The following TOMM20 variants were observed in gnomAD, a reference collection of about 807,000 sequenced individuals.
TOMM20 encodes translocase of outer mitochondrial membrane 20.
TOMM20 carries 10 observed loss-of-function variants against 22.1 expected under a neutral mutation model. That is an observed-to-expected ratio of 0.45 (90% CI 0.28 to 0.77). The LOEUF (loss-of-function observed/expected upper bound fraction) is 0.77. Ranked by LOEUF, TOMM20 falls within the 30% of genes least tolerant of loss-of-function variation. TOMM20 has a pLI of 0.13. For synonymous variants in TOMM20, 55 were observed against 61.4 expected (o/e 0.90, Z 0.49); for missense variants, 121 against 172.2 (o/e 0.70, Z 1.66).
Position 235,128,583 on chromosome 1 carries a change from G to C in TOMM20, c.121+12C>G. The C allele has an allele frequency of 1.2e-6, 2 of 1,612,032 alleles. No individual in the cohort carries two copies. The highest frequency in any genetic ancestry group is 1.7e-6 in the Non-Finnish European group (2 of 1,179,850). On this transcript the variant is annotated intron_variant, in intron 1 of 4. Coordinates refer to ENST00000366607, the MANE Select transcript of TOMM20 (RefSeq NM_014765.3). The stretch of plus-strand genomic sequence containing the variant: ...GCAGCAAGCCTGGCCAGGGGAGAGA[G>C]GACCCACTCACGTTCTCGAAGCCTG...
intron 2 of TOMM20, among the ~76,000 whole-genome samples, chr1:235,120,269 T>G (rs1660907707): frequency 6.6e-6 from 1 of 152,170 alleles, no homozygotes; most frequent in Non-Finnish European, 1.5e-5. Context: ...CAGATTTTGT[T>G]GTTTTTGTTT....
intron 1 of TOMM20, among the ~76,000 whole-genome samples, chr1:235,125,496 T>C (rs1386530614): frequency 6.6e-6 from 1 of 152,064 alleles, no homozygotes; most frequent in Non-Finnish European, 1.5e-5. Context: ...TTTACAGGCC[T>C]GAGCCACCAC....
At position 235,128,664 on chromosome 1, in the gene TOMM20, T is replaced by C. The variant is rs1179555338; in HGVS notation, c.52A>G (p.Ile18Val). 2 of 1,614,030 alleles carry C rather than the reference T, an allele frequency of 1.2e-6. No homozygotes were observed. Among genetic ancestry groups the C allele is most frequent in the Non-Finnish European group, 1.7e-6 (2 of 1,179,958 alleles). Residue 18 changes from isoleucine to valine, a missense_variant, in exon 1 of 5, where the codon ATT becomes GTT. Transcript: ENST00000366607. ...CGGTCGAAGTAGATGCAGTACCCAA[T>C]GAAAAGGGCCCCGCATACACCGGCG... ...IAAGVCGALF[I>V]GYCIYFDRKR...
chr1:235,116,789 T>C (rs188101209), intron 3 of TOMM20, among the ~76,000 whole-genome samples: 305 of 152,234 alleles, frequency 2.0e-3, no homozygotes, highest in African/African-American at 6.7e-3. Flanking sequence ...TAGATTCTTT[T>C]TATTTACCAA....
chr1:235,112,653 T>C (rs969294616), intron 4 of TOMM20, among the ~76,000 whole-genome samples: 3 of 152,188 alleles, frequency 2.0e-5, no homozygotes, highest in South Asian at 2.1e-4. Flanking sequence ...CAGTCAATTA[T>C]GTAACTAAAA....
chr1:235,127,959 T>A, intron 1 of TOMM20: 1 of 515,198 alleles, frequency 1.9e-6, no homozygotes, highest in Non-Finnish European at 3.9e-6. Context: ...GCGGATCATC[T>A]GAGGTCAGGA....
intron 1 of TOMM20, among the ~76,000 whole-genome samples, chr1:235,123,190 A>T (rs979126623): frequency 7.9e-5 from 12 of 152,204 alleles, no homozygotes; most frequent in African/African-American, 2.9e-4. Context: ...TCAATGCATG[A>T]CTAAAGAGGT....
intron 1 of TOMM20, among the ~76,000 whole-genome samples, chr1:235,127,628 C>T (rs992671865): frequency 1.3e-5 from 2 of 152,146 alleles, no homozygotes; most frequent in Admixed American, 6.6e-5. Flanking sequence ...TAGTAACTTA[C>T]GTATCAATTT....
At position 235,110,154 on chromosome 1, in the gene TOMM20, T is replaced by C. The variant is rs1356667726; in HGVS notation, c.*1910A>G. 1 of 152,132 alleles carries C rather than the reference T, an allele frequency of 6.6e-6. No homozygotes were observed. The highest frequency in any genetic ancestry group is 2.4e-5 in the African/African-American group (1 of 41,422). The allele number at this position is 152,132 out of a possible 1,614,324, so 9.4% of individuals were successfully genotyped here. A position where few individuals can be genotyped will look rare whatever the true frequency, so the allele number is the denominator to read the frequency against. ...TTTTCAAGCATTACAGCAAAGCCAGTATGTTCAGAGCCAAGTGACACCCAG... is the reference window on the plus strand; with the variant it reads ...TTTTCAAGCATTACAGCAAAGCCAGCATGTTCAGAGCCAAGTGACACCCAG... On this transcript the variant is annotated 3_prime_UTR_variant, in exon 5 of 5. Transcript: ENST00000366607.
intron 4 of TOMM20, 25 bp downstream of exon 4, chr1:235,113,741 TTA>T (rs768226756): frequency 2.5e-6 from 4 of 1,586,832 alleles, no homozygotes; most frequent in Non-Finnish European, 3.4e-6. Context: ...CCACTCACTT[TTA>T]TGTCATAACA....
chr1:235,112,517 T>C (rs1230122962), intron 4 of TOMM20, among the ~76,000 whole-genome samples: 1 of 152,082 alleles, frequency 6.6e-6, no homozygotes, highest in Non-Finnish European at 1.5e-5. Flanking sequence ...AATTTTTTTT[T>C]TATTTTTGGT....
intron 1 of TOMM20, among the ~76,000 whole-genome samples, chr1:235,125,866 C>CAG (rs1558130862): frequency 6.6e-6 from 1 of 151,636 alleles, no homozygotes; most frequent in Admixed American, 6.6e-5. Context: ...CTTCCTACCT[C>CAG]AGTCTCCCAA....
intron 1 of TOMM20, among the ~76,000 whole-genome samples, chr1:235,128,252 G>T (rs1178147965): frequency 6.6e-6 from 1 of 152,200 alleles, no homozygotes; most frequent in Non-Finnish European, 1.5e-5. Context: ...AAAAATGCAC[G>T]ACTTTTTAGT....
intron 3 of TOMM20, among the ~76,000 whole-genome samples, chr1:235,118,603 T>C (rs912170272): frequency 2.0e-5 from 3 of 152,232 alleles, no homozygotes; most frequent in African/African-American, 7.2e-5. Context: ...CACAGCTCAC[T>C]AGAGCCTCAA....
At position 235,111,811 on chromosome 1, in the gene TOMM20, T is replaced by C. The variant is rs1660742935; in HGVS notation, c.*253A>G. The stretch of plus-strand genomic sequence containing the variant: ...TAACTATGTAACTATGTTTCAGGAA[T>C]AAACAAAATCCATGATATTTTAGTA... On this transcript the variant is annotated 3_prime_UTR_variant, in exon 5 of 5. Transcript: ENST00000366607. The C allele has an allele frequency of 4.9e-6, 2 of 410,480 alleles. No homozygotes were observed. Among genetic ancestry groups the C allele is most frequent in the South Asian group, 6.4e-5 (2 of 31,406 alleles). The allele number at this position is 410,480 out of a possible 1,614,324, so 25.4% of individuals were successfully genotyped here. A position where few individuals can be genotyped will look rare whatever the true frequency, so the allele number is the denominator to read the frequency against.
chr1:235,127,878 C>T (rs752021340), intron 1 of TOMM20: 2 of 519,154 alleles, frequency 3.9e-6, no homozygotes, highest in East Asian at 5.4e-5. Flanking sequence ...ATTTCTATAG[C>T]ATTCACTCAT....
intron 4 of TOMM20, among the ~76,000 whole-genome samples, chr1:235,113,555 T>G (rs1367838882): frequency 1.3e-5 from 2 of 152,322 alleles, no homozygotes; most frequent in East Asian, 3.9e-4. Context: ...ACACACTTCC[T>G]GATCCACCTC....
intron 3 of TOMM20, 48 bp downstream of exon 3, chr1:235,119,770 C>T (rs1305647500): frequency 7.8e-7 from 1 of 1,279,274 alleles, no homozygotes; most frequent in Non-Finnish European, 1.1e-6. Flanking sequence ...AAATTTCTAT[C>T]AGTGAGAAAA....
At chr1:235,112,639 A>G (rs1483104343) in intron 4 of TOMM20, among the ~76,000 whole-genome samples, 2 of 152,176 alleles carry the variant, frequency 1.3e-5, no homozygotes, top group African/African-American at 4.8e-5. Context: ...ACATAATATT[A>G]CATCAGTCAA....
Sources: allele counts gnomAD v4.1 joint callset (sites outside exome capture counted in the v4.1 genomes callset), GRCh38; gene constraint gnomAD v4.1.1; transcripts MANE v1.5; gene names NCBI Gene and HGNC (gene_info 2026-07-23, HGNC 2026-07-21).